CLASP2: variants seen among roughly 807,000 people sequenced by gnomAD.
The protein encoded by CLASP2 is cytoplasmic linker associated protein 2.
In CLASP2, 47 loss-of-function variants were observed where a neutral mutation model predicts 194.4. The ratio of observed to expected loss-of-function variants is 0.24; its 90% CI spans 0.19 to 0.31. The LOEUF (loss-of-function observed/expected upper bound fraction) is 0.31, where lower values mean the gene tolerates loss of function less well. CLASP2 is among the 10% of genes least tolerant of loss of function. The probability of loss-of-function intolerance (pLI) is 1.00; values close to 1 mark genes in which losing one functional copy is unlikely to be tolerated. For synonymous variants in CLASP2, 619 were observed against 633.5 expected, an observed-to-expected ratio of 0.98 and a Z score of 0.34; for missense variants, 1,445 against 1,823.6, an observed-to-expected ratio of 0.79 and a Z score of 3.78.
intron 8 of CLASP2, among the ~76,000 whole-genome samples, chr3:33,643,741 G>A (rs148844794): frequency 6.6e-6 from 1 of 151,830 alleles, no homozygotes; most frequent in African/African-American, 2.4e-5. Context: ...AATCTCACAT[G>A]ATGGGAAAAA....
At chr3:33,641,902 G>A (rs547688776) in intron 8 of CLASP2, among the ~76,000 whole-genome samples, 43 of 151,640 alleles carry the variant, frequency 2.8e-4, no homozygotes, top group East Asian at 1.7e-3. Context: ...TATATACCTC[G>A]GAGTAGCAAA....
chr3:33,668,685 ACT>A (rs1300235805), intron 6 of CLASP2, among the ~76,000 whole-genome samples: 4 of 152,152 alleles, frequency 2.6e-5, no homozygotes, highest in African/African-American at 9.7e-5. Context: ...AATAGAAAAC[ACT>A]CTGCATGTTT....
chr3:33,665,871 A>G (rs1575418073), intron 6 of CLASP2, among the ~76,000 whole-genome samples: 2 of 152,344 alleles, frequency 1.3e-5, no homozygotes, highest in South Asian at 2.1e-4. Flanking sequence ...AGCAGAAAGA[A>G]GAGCCTAAGA....
chr3:33,551,143 C>G, intron 30 of CLASP2, 109 bp downstream of exon 30: 8 of 894,186 alleles, frequency 8.9e-6, no homozygotes, highest in Non-Finnish European at 1.3e-5. Context: ...CTCTTCATAA[C>G]TCACTGCTAA....
Position 33,612,080 on chromosome 3 carries a change from G to C in CLASP2, c.1318-9C>G, listed in dbSNP as rs367947266. The C allele has an allele frequency of 3.0e-5, 48 of 1,583,004 alleles. No homozygotes were observed. Among genetic ancestry groups the C allele is most frequent in the Non-Finnish European group, 4.0e-5 (46 of 1,155,452 alleles). On this transcript the variant is annotated splice_polypyrimidine_tract_variant and intron_variant, in intron 12 of 38. Transcript: ENST00000682230. The stretch of plus-strand genomic sequence containing the variant: ...CTGGGTACATGAGTATGCTGAAAAA[G>C]ATGTTTTAGAAAAGGTTGAAAATAC...
intron 7 of CLASP2, among the ~76,000 whole-genome samples, chr3:33,656,329 A>C (rs1415834329): frequency 2.0e-5 from 3 of 152,230 alleles, no homozygotes; most frequent in Admixed American, 2.0e-4. Flanking sequence ...AAAAGGTCAA[A>C]CAACCAAAAA....
At chr3:33,705,550 A>G (rs1300098601) in intron 1 of CLASP2, among the ~76,000 whole-genome samples, 1 of 152,244 alleles carries the variant, frequency 6.6e-6, no homozygotes, top group African/African-American at 2.4e-5. Flanking sequence ...ACAGAATGAG[A>G]TATCAATAGA....
rs1575285872 is a variant in CLASP2 at position 33,652,147 on chromosome 3, C to T, written c.716-7244G>A. Among the ~76,000 whole-genome samples, 5 of 152,156 alleles carry T rather than the reference C, an allele frequency of 3.3e-5. No homozygotes were observed. The East Asian group carries it at 9.6e-4, about 29-fold the overall frequency. ...CAAACAGTTCAGTAAGAAGAACCCC[C>T]AACACTATAAATTTTCATGCACAAA... On this transcript the variant is annotated intron_variant, in intron 7 of 38. Coordinates refer to ENST00000682230, the MANE Select transcript of CLASP2 (RefSeq NM_001365631.1).
At chr3:33,641,264 G>A (rs1431585452) in intron 8 of CLASP2, among the ~76,000 whole-genome samples, 1 of 151,708 alleles carries the variant, frequency 6.6e-6, no homozygotes, top group Admixed American at 6.6e-5. Flanking sequence ...AAATAATCAG[G>A]TACTTTCAGC....
chr3:33,717,760 G>A (rs1338817573), intron 1 of CLASP2, 48 bp downstream of exon 1: 3 of 1,539,870 alleles, frequency 1.9e-6, no homozygotes, highest in African/African-American at 1.4e-5. Context: ...GGGATTAAAG[G>A]GCTGCCGCGG....
At position 33,687,086 on chromosome 3, in the gene CLASP2, T is replaced by C; in HGVS notation, c.520A>G (p.Ile174Val). The C allele has an allele frequency of 1.9e-6, 3 of 1,602,112 alleles. No individual in the cohort carries two copies. The highest frequency in any genetic ancestry group is 2.6e-6 in the Non-Finnish European group (3 of 1,173,944). Residue 174 changes from isoleucine to valine, a missense_variant, in exon 5 of 39, where the codon ATC becomes GTC. Transcript: ENST00000682230. ...VISKLIPHLC[I>V]LFGDSNSQVR... ...TGACTGTTGGAGTCTCCAAACAGGA[T>C]ACACAAATGTGGTATCAATTTGCTG... is the stretch of plus-strand genomic sequence containing the variant.
Position 33,607,465 on chromosome 3 carries a change from TA to T in CLASP2, c.1449-5del. 6.3e-7 allele frequency: 1 copy of T among 1,591,694 alleles called. No individual in the cohort carries two copies. The highest frequency in any genetic ancestry group is 2.2e-5 in the East Asian group (1 of 44,534). On this transcript the variant is annotated splice_polypyrimidine_tract_variant and splice_region_variant and intron_variant, in intron 14 of 38. Transcript: ENST00000682230. Reference sequence around the variant, plus strand: ...TTCAACCAAGACGGCTGCATGTCTATAAAATAAAATACATCTTTAGAGTTAT... The same window carrying T: ...TTCAACCAAGACGGCTGCATGTCTATAAATAAAATACATCTTTAGAGTTAT...
intron 32 of CLASP2, among the ~76,000 whole-genome samples, chr3:33,542,625 ATATG>A: frequency 6.7e-6 from 1 of 148,568 alleles, no homozygotes; most frequent in East Asian, 1.9e-4. Flanking sequence ...GACATGTTAT[ATATG>A]TAATTCATTA....
intron 12 of CLASP2, among the ~76,000 whole-genome samples, chr3:33,613,024 G>A (rs1056817022): frequency 1.3e-5 from 2 of 152,196 alleles, no homozygotes. Context: ...ATAGCTAAAA[G>A]AGAATAATTA....
At chr3:33,644,027 C>T (rs568063924) in intron 8 of CLASP2, among the ~76,000 whole-genome samples, 2 of 151,828 alleles carry the variant, frequency 1.3e-5, no homozygotes, top group East Asian at 3.9e-4. Context: ...AATTAAATAC[C>T]CTTATTTTCA....
chr3:33,712,364 G>A (rs34230670), intron 1 of CLASP2, among the ~76,000 whole-genome samples: 9,565 of 152,182 alleles, frequency 0.063, 391 homozygotes, highest in Admixed American at 0.096. Flanking sequence ...GGAAGGTTGG[G>A]AGAGGGTTGA....
intron 6 of CLASP2, among the ~76,000 whole-genome samples, chr3:33,681,964 A>C (rs2089926097): frequency 1.3e-5 from 2 of 152,198 alleles, no homozygotes; most frequent in South Asian, 4.1e-4. Flanking sequence ...CTTGTTCTCT[A>C]GCTTCCTCTC....
chr3:33,646,741 G>A (rs1340002327), intron 7 of CLASP2, among the ~76,000 whole-genome samples: 3 of 151,898 alleles, frequency 2.0e-5, no homozygotes, highest in Non-Finnish European at 2.9e-5. Context: ...ATACAGCAAA[G>A]TATACAAATC....
chr3:33,701,921 A>G (rs2092402727), intron 1 of CLASP2, among the ~76,000 whole-genome samples: 1 of 152,178 alleles, frequency 6.6e-6, no homozygotes, highest in South Asian at 2.1e-4. Context: ...ATTCTTAGAG[A>G]CAACATGAAA....
Sources: gnomAD v4.1 joint callset for allele counts (sites outside exome capture counted in the v4.1 genomes callset) on GRCh38, gnomAD v4.1.1 for gene constraint, MANE v1.5 for transcripts, NCBI Gene and HGNC (gene_info 2026-07-23, HGNC 2026-07-21) for gene names.